CBFA2T2: variants seen among roughly 807,000 people sequenced by gnomAD.
CBFA2T2 encodes the protein protein CBFA2T2.
A neutral mutation model predicts 62.2 loss-of-function variants in CBFA2T2; 11 were observed. That is an observed-to-expected ratio of 0.18 (90% CI 0.11 to 0.29). The LOEUF (loss-of-function observed/expected upper bound fraction) is 0.29. Ranked by LOEUF, CBFA2T2 falls within the 10% of genes least tolerant of loss-of-function variation. The probability of loss-of-function intolerance (pLI) is 1.00; values close to 1 mark genes in which losing one functional copy is unlikely to be tolerated. For missense variants in CBFA2T2, 592 were observed against 774.1 expected (o/e 0.76, Z 2.79); for synonymous variants, 295 against 287.5 (o/e 1.03, Z -0.27).
intron 1 of CBFA2T2, among the ~76,000 whole-genome samples, chr20:33,526,956 C>G (rs1251752977): frequency 6.6e-6 from 1 of 151,682 alleles, no homozygotes. Flanking sequence ...CTAAGCAGAT[C>G]TCTACACCTG....
At chr20:33,600,671 C>G (rs1305665208) in intron 1 of CBFA2T2, among the ~76,000 whole-genome samples, 1 of 152,176 alleles carries the variant, frequency 6.6e-6, no homozygotes, top group African/African-American at 2.4e-5. Flanking sequence ...TGTAGCCTTT[C>G]CAGCAAACAC....
chr20:33,577,537 CTG>C (rs1237866393), intron 1 of CBFA2T2, among the ~76,000 whole-genome samples: 2 of 152,106 alleles, frequency 1.3e-5, no homozygotes, highest in African/African-American at 4.8e-5. Flanking sequence ...CAGCTGTAGA[CTG>C]TGTATTTACG....
At chr20:33,627,583 T>A (rs2016288128) in intron 6 of CBFA2T2, among the ~76,000 whole-genome samples, 1 of 152,210 alleles carries the variant, frequency 6.6e-6, no homozygotes, top group Non-Finnish European at 1.5e-5. Flanking sequence ...GTGATCTACC[T>A]GTGTCAGCCT....
In CBFA2T2 at chr20:33,642,110, TTTTTTTTGTGTGTGTGTGTG is replaced by T. The variant is rs1177753052; in HGVS notation, c.1488+1581_1488+1600del. Among the ~76,000 whole-genome samples, 738 of 77,050 alleles carry T rather than the reference TTTTTTTTGTGTGTGTGTGTG, an allele frequency of 9.6e-3. 5 individuals carry two copies. Among genetic ancestry groups the T allele is most frequent in the Middle Eastern group, 0.022 (4 of 184 alleles). The allele number at this position is 77,050 out of a possible 152,430, so 50.5% of individuals were successfully genotyped here. A position where few individuals can be genotyped will look rare whatever the true frequency, so the allele number is the denominator to read the frequency against. ...GTTCTCTCCTCCTCCTTTGTCTTTTTTTTTTTTGTGTGTGTGTGTGTGTGTGTGTGTGTGTGTGTGTGTGT... is the reference window on the plus strand; with the variant it reads ...GTTCTCTCCTCCTCCTTTGTCTTTTTTGTGTGTGTGTGTGTGTGTGTGTGT... On this transcript the variant is annotated intron_variant, in intron 10 of 10. Coordinates refer to ENST00000342704, the MANE Select transcript of CBFA2T2 (RefSeq NM_001032999.3).
At chr20:33,530,427 G>GT (rs894733401) in intron 1 of CBFA2T2, among the ~76,000 whole-genome samples, 8 of 151,632 alleles carry the variant, frequency 5.3e-5, no homozygotes, top group Admixed American at 2.0e-4. Flanking sequence ...CCCATTGTTT[G>GT]TTTTTTTTGA....
At chr20:33,592,025 CAA>C (rs780531351) in intron 1 of CBFA2T2, among the ~76,000 whole-genome samples, 2 of 152,056 alleles carry the variant, frequency 1.3e-5, no homozygotes, top group East Asian at 1.9e-4. Context: ...GCACAGCAAA[CAA>C]GAGTAGTGGA....
chr20:33,587,475 C>G (rs2014424717), intron 1 of CBFA2T2, among the ~76,000 whole-genome samples: 2 of 151,086 alleles, frequency 1.3e-5, no homozygotes, highest in South Asian at 4.2e-4. Flanking sequence ...ACCGTGTTAG[C>G]CAGGATGGTC....
At chr20:33,634,024 A>G (rs549575898) in intron 8 of CBFA2T2, among the ~76,000 whole-genome samples, 34 of 152,220 alleles carry the variant, frequency 2.2e-4, no homozygotes, top group African/African-American at 6.7e-4. Flanking sequence ...GCTGGAGTAC[A>G]GTGGTGCAGT....
At chr20:33,519,897 A>G (rs1269041248) in intron 1 of CBFA2T2, among the ~76,000 whole-genome samples, 1 of 152,138 alleles carries the variant, frequency 6.6e-6, no homozygotes, top group East Asian at 1.9e-4. Flanking sequence ...CTGTAATACC[A>G]GCACTTTGGG....
chr20:33,598,251 C>T (rs1207457510), intron 1 of CBFA2T2, among the ~76,000 whole-genome samples: 7 of 152,072 alleles, frequency 4.6e-5, no homozygotes, highest in South Asian at 2.1e-4. Flanking sequence ...ATTTATTAGG[C>T]GGGAATTTCC....
At chr20:33,609,105 C>G (rs893576882) in intron 2 of CBFA2T2, among the ~76,000 whole-genome samples, 2 of 152,166 alleles carry the variant, frequency 1.3e-5, no homozygotes, top group African/African-American at 4.8e-5. Context: ...AAAATATACA[C>G]TGTATACACA....
chr20:33,633,594 C>A (rs940150523), intron 8 of CBFA2T2, among the ~76,000 whole-genome samples: 1 of 152,092 alleles, frequency 6.6e-6, no homozygotes, highest in South Asian at 2.1e-4. Flanking sequence ...TTTGTTCAGA[C>A]AGCAAGCAGT....
intron 1 of CBFA2T2, among the ~76,000 whole-genome samples, chr20:33,589,127 A>C (rs147647111): frequency 2.0e-5 from 3 of 152,200 alleles, no homozygotes; most frequent in African/African-American, 7.2e-5. Flanking sequence ...AATGTGGCTT[A>C]AACTAGAGCT....
chr20:33,527,891 C>T (rs151147703), intron 1 of CBFA2T2, among the ~76,000 whole-genome samples: 40 of 151,716 alleles, frequency 2.6e-4, no homozygotes, highest in African/African-American at 9.2e-4. Flanking sequence ...TTTTTCTTTG[C>T]TGTATTATTA....
At chr20:33,587,509 G>GC (rs972681082) in intron 1 of CBFA2T2, among the ~76,000 whole-genome samples, 16 of 149,856 alleles carry the variant, frequency 1.1e-4, no homozygotes, top group African/African-American at 3.9e-4. Flanking sequence ...CTCGTGATCC[G>GC]CCCCCCTTGG....
chr20:33,578,600 G>A (rs1181976620), intron 1 of CBFA2T2, among the ~76,000 whole-genome samples: 3 of 152,070 alleles, frequency 2.0e-5, no homozygotes, highest in Admixed American at 6.6e-5. Flanking sequence ...CATCCAAAGG[G>A]GCCAACCACA....
At chr20:33,636,258 CAAAAAAAAAA>C (rs34178424) in intron 8 of CBFA2T2, among the ~76,000 whole-genome samples, 11 of 75,110 alleles carry the variant, frequency 1.5e-4, no homozygotes, top group African/African-American at 4.3e-4. Context: ...GACTCCGTCT[CAAAAAAAAAA>C]AAAAAAAAAA....
At chr20:33,538,297 C>A (rs1220554942) in intron 1 of CBFA2T2, among the ~76,000 whole-genome samples, 1 of 151,958 alleles carries the variant, frequency 6.6e-6, no homozygotes, top group Non-Finnish European at 1.5e-5. Flanking sequence ...GTGTATTGAT[C>A]TTGTATCCTG....
chr20:33,499,134 T>C (rs2011238960), intron 1 of CBFA2T2, among the ~76,000 whole-genome samples: 1 of 152,156 alleles, frequency 6.6e-6, no homozygotes, highest in Admixed American at 6.6e-5. Flanking sequence ...ATCCAGAGTT[T>C]TAGGCAGGAA....
Sources: allele counts gnomAD v4.1 joint callset (sites outside exome capture counted in the v4.1 genomes callset), GRCh38; gene constraint gnomAD v4.1.1; transcripts MANE v1.5; gene names NCBI Gene and HGNC (gene_info 2026-07-23, HGNC 2026-07-21).